The following SYN3 variants were observed in gnomAD, a reference collection of about 807,000 sequenced individuals.
SYN3 encodes the protein synapsin III, also known as synapsin-3.
In SYN3, 35 loss-of-function variants were observed where a neutral mutation model predicts 65.8. The ratio of observed to expected loss-of-function variants is 0.53; its 90% confidence interval spans 0.41 to 0.70. The LOEUF (loss-of-function observed/expected upper bound fraction) is 0.70. SYN3 is among the 30% of genes least tolerant of loss of function. The pLI is 0.00. For missense variants in SYN3, 680 were observed against 749.0 expected, an observed-to-expected ratio of 0.91 and a Z score of 1.08; for synonymous variants, 270 against 292.9, an observed-to-expected ratio of 0.92 and a Z score of 0.80.
intron 10 of SYN3, among the ~76,000 whole-genome samples, chr22:32,529,841 C>T (rs1486038947): frequency 6.6e-6 from 1 of 152,188 alleles, no homozygotes; most frequent in Non-Finnish European, 1.5e-5. Flanking sequence ...ATCAGACTCA[C>T]CGTCTTGTCT....
intron 4 of SYN3, among the ~76,000 whole-genome samples, chr22:32,902,690 G>A (rs541699225): frequency 2.0e-5 from 3 of 152,248 alleles, no homozygotes; most frequent in South Asian, 2.1e-4. Flanking sequence ...GATGGGACTC[G>A]TGGGCAGGTT....
chr22:33,054,561 C>T (rs1215048350), intron 1 of SYN3, among the ~76,000 whole-genome samples: 1 of 152,126 alleles, frequency 6.6e-6, no homozygotes, highest in Non-Finnish European at 1.5e-5. Context: ...GCAGTCAAGC[C>T]CCAGTCCCAC....
intron 1 of SYN3, among the ~76,000 whole-genome samples, chr22:33,012,567 G>A (rs1224762295): frequency 6.6e-6 from 1 of 152,228 alleles, no homozygotes. Context: ...TGACTTGCAA[G>A]CAGGAAGTTT....
intron 6 of SYN3, among the ~76,000 whole-genome samples, chr22:32,740,974 A>G (rs1295139730): frequency 4.6e-5 from 7 of 152,120 alleles, no homozygotes. Flanking sequence ...GGCAATGGGG[A>G]CAAAAGAAGG....
intron 6 of SYN3, among the ~76,000 whole-genome samples, chr22:32,853,575 CAAG>C (rs964582797): frequency 2.8e-4 from 42 of 151,430 alleles, no homozygotes; most frequent in African/African-American, 9.4e-4. Context: ...TAGATGCTAC[CAAG>C]AAGAAGAAGA....
At chr22:32,581,792 C>CTTTTTT (rs10716395) in intron 7 of SYN3, among the ~76,000 whole-genome samples, 25 of 84,292 alleles carry the variant, frequency 3.0e-4, no homozygotes, top group Non-Finnish European at 3.7e-4. Context: ...TTCTTTCTTT[C>CTTTTTT]TTTTTTTTTT....
At chr22:32,863,262 TC>T (rs2048597620) in intron 6 of SYN3, among the ~76,000 whole-genome samples, 1 of 152,154 alleles carries the variant, frequency 6.6e-6, no homozygotes, top group Non-Finnish European at 1.5e-5. Flanking sequence ...ATTGCTAGAG[TC>T]CTCCCTAGTT....
chr22:32,758,696 A>ATATATATATATATATATATATATATG (rs1218461080), intron 6 of SYN3, among the ~76,000 whole-genome samples: 1 of 111,888 alleles, frequency 8.9e-6, no homozygotes, highest in Non-Finnish European at 1.9e-5. Flanking sequence ...ATATATATAT[A>ATATATATATATATATATATATATATG]TATATGTCTT....
intron 4 of SYN3, among the ~76,000 whole-genome samples, chr22:32,873,199 C>T (rs1270359269): frequency 1.3e-5 from 2 of 152,162 alleles, no homozygotes; most frequent in Admixed American, 1.3e-4. Context: ...GATCTGCCCA[C>T]CTTGGCCTCC....
chr22:32,654,840 G>A (rs1373531748), intron 6 of SYN3, among the ~76,000 whole-genome samples: 3 of 152,344 alleles, frequency 2.0e-5, no homozygotes, highest in African/African-American at 4.8e-5. Context: ...TATTCTAGGT[G>A]CTTGTCCCTT....
intron 6 of SYN3, among the ~76,000 whole-genome samples, chr22:32,763,867 G>A (rs544031030): frequency 1.4e-4 from 22 of 152,090 alleles, no homozygotes; most frequent in African/African-American, 4.3e-4. Flanking sequence ...GAGATAGTAG[G>A]GGGAGGATTT....
chr22:32,905,858 A>G (rs2049888561), intron 4 of SYN3, among the ~76,000 whole-genome samples: 1 of 152,216 alleles, frequency 6.6e-6, no homozygotes, highest in Admixed American at 6.5e-5. Context: ...GTGCCCTTTC[A>G]TTCATGAATC....
At chr22:32,547,502 C>A (rs544865368) in intron 7 of SYN3, among the ~76,000 whole-genome samples, 69 of 152,214 alleles carry the variant, frequency 4.5e-4, no homozygotes, top group African/African-American at 1.6e-3. Context: ...TTCCTGCCTC[C>A]TTCCCCTCAT....
At chr22:32,808,974 C>T (rs1013665370) in intron 6 of SYN3, among the ~76,000 whole-genome samples, 2 of 152,200 alleles carry the variant, frequency 1.3e-5, no homozygotes, top group Admixed American at 1.3e-4. Flanking sequence ...CTAGTCCTGT[C>T]TTCTGGTGGA....
chr22:32,617,291 A>T (rs1470345856), intron 6 of SYN3, among the ~76,000 whole-genome samples: 1 of 152,188 alleles, frequency 6.6e-6, no homozygotes, highest in African/African-American at 2.4e-5. Context: ...AGATGAAAGG[A>T]CATGGTGTCT....
chr22:32,905,499 GAC>G (rs1362757722), intron 4 of SYN3, among the ~76,000 whole-genome samples: 3 of 152,358 alleles, frequency 2.0e-5, no homozygotes, highest in African/African-American at 4.8e-5. Flanking sequence ...CCTGACTGCA[GAC>G]ACAGTTACGC....
chr22:32,644,610 T>C (rs1217137257), intron 6 of SYN3, among the ~76,000 whole-genome samples: 2 of 152,202 alleles, frequency 1.3e-5, no homozygotes, highest in Non-Finnish European at 2.9e-5. Flanking sequence ...CACAGGAAAC[T>C]GAACTGCTGG....
chr22:32,893,765 C>T (rs137515), intron 4 of SYN3, among the ~76,000 whole-genome samples: 75,378 of 151,674 alleles, frequency 0.5, 19,507 homozygotes, highest in Non-Finnish European at 0.57. Flanking sequence ...TTCCAGTTGG[C>T]TTCAATATCC....
At chr22:32,938,917 G>A (rs2050856265) in intron 3 of SYN3, among the ~76,000 whole-genome samples, 1 of 126,688 alleles carries the variant, frequency 7.9e-6, no homozygotes, top group South Asian at 2.6e-4. Flanking sequence ...AGCAGGGCAA[G>A]GCTTTGTCTC....
Sources: gnomAD v4.1 joint callset for allele counts (sites outside exome capture counted in the v4.1 genomes callset) on GRCh38, gnomAD v4.1.1 for gene constraint, MANE v1.5 for transcripts, NCBI Gene and HGNC (gene_info 2026-07-23, HGNC 2026-07-21) for gene names.